The following GRPEL2 variants were observed in gnomAD, a reference collection of about 807,000 sequenced individuals.
GRPEL2 encodes the protein GrpE like 2, mitochondrial.
In GRPEL2, 18 loss-of-function variants were observed where a neutral mutation model predicts 25.9. That is an observed-to-expected ratio of 0.70 (90% CI 0.48 to 1.03). GRPEL2 has a LOEUF of 1.03. GRPEL2 is among the 50% of genes least tolerant of loss of function. GRPEL2 has a pLI of 0.00. For missense variants in GRPEL2, 247 were observed against 276.2 expected (o/e 0.89, Z 0.75); for synonymous variants, 106 against 107.9 (o/e 0.98, Z 0.11).
At chr5:149,349,798 C>T (rs767558027) in intron 3 of GRPEL2, 63 bp downstream of exon 3, 7 of 1,216,884 alleles carry the variant, frequency 5.8e-6, no homozygotes, top group Non-Finnish European at 8.5e-6. Context: ...GCCTGTAATC[C>T]CAGCACTTTG....
At position 149,351,128 on chromosome 5, in the gene GRPEL2, C is replaced by T. The variant is rs1291982892; in HGVS notation, c.524C>T (p.Pro175Leu). ...KLTPIGDKYD[P>L]HEHELICHVP... ...ACACCCATTGGTGACAAATATGACCCCCATGAGCATGAACTCATCTGTCAT... is the reference window on the plus strand; with the variant it reads ...ACACCCATTGGTGACAAATATGACCTCCATGAGCATGAACTCATCTGTCAT... The change falls in exon 4 of 4, where the codon CCC becomes CTC. Residue 175 changes from proline to leucine, a missense_variant. By Grantham distance (98) the Pro-to-Leu change is moderately conservative. Transcript: ENST00000329271. 1.2e-6 allele frequency: 2 copies of T among 1,614,048 alleles called. No homozygotes were observed. The highest frequency in any genetic ancestry group is 1.3e-5 in the African/African-American group (1 of 74,900).
At chr5:149,348,956 T>G (rs1225611461) in intron 2 of GRPEL2, among the ~76,000 whole-genome samples, 1 of 151,738 alleles carries the variant, frequency 6.6e-6, no homozygotes, top group African/African-American at 2.4e-5. Context: ...AGAAAAGGAC[T>G]AAAGAGGGTA....
intron 1 of GRPEL2, among the ~76,000 whole-genome samples, chr5:149,347,286 A>T (rs1757705474): frequency 6.6e-6 from 1 of 152,130 alleles, no homozygotes; most frequent in African/African-American, 2.4e-5. Context: ...CCCTTTTCTA[A>T]AGCTGACTCC....
Position 149,350,912 on chromosome 5 carries a change from C to G in GRPEL2, c.314-6C>G. ...CAAACAATAAAAATAACTGGCTTCT[C>G]TGCAGGAATCCAGAGTTTCTGTAAG... On this transcript the variant is annotated splice_polypyrimidine_tract_variant and splice_region_variant and intron_variant, in intron 3 of 3. Coordinates refer to ENST00000329271, the MANE Select transcript of GRPEL2 (RefSeq NM_152407.4). 6.2e-7 allele frequency: 1 copy of G among 1,610,938 alleles called. No homozygotes were observed. Among genetic ancestry groups the G allele is most frequent in the Non-Finnish European group, 8.5e-7 (1 of 1,177,988 alleles).
In GRPEL2 at chr5:149,354,361, T is replaced by C. The variant is rs1316933679; in HGVS notation, c.*3079T>C. 3 of 152,264 alleles carry C rather than the reference T, an allele frequency of 2.0e-5. No individual in the cohort carries two copies. The highest frequency in any genetic ancestry group is 4.4e-5 in the Non-Finnish European group (3 of 68,048). The allele number at this position is 152,264 out of a possible 1,614,324, so 9.4% of individuals were successfully genotyped here. Reference sequence around the variant, plus strand: ...TACTTGGACTGTACAAATGTTTTACTGACTTTTCTTACTGCTGTAAAGGAA... The same window carrying C: ...TACTTGGACTGTACAAATGTTTTACCGACTTTTCTTACTGCTGTAAAGGAA... On this transcript the variant is annotated 3_prime_UTR_variant, in exon 4 of 4. Coordinates refer to ENST00000329271, the MANE Select transcript of GRPEL2 (RefSeq NM_152407.4).
Position 149,351,286 on chromosome 5 carries a change from G to T in GRPEL2, c.*4G>T, listed in dbSNP as rs755997296. ...GGAGTCTCAGAGAAGACTGTGAAGA[G>T]GCCATCAGGAACTGGATGTTCTCCC... On this transcript the variant is annotated 3_prime_UTR_variant, in exon 4 of 4. Transcript: ENST00000329271. The T allele has an allele frequency of 3.8e-6, 6 of 1,599,368 alleles. No homozygotes were observed. In the Admixed American group the frequency reaches 8.4e-5, roughly 23 times the overall value.
intron 3 of GRPEL2, among the ~76,000 whole-genome samples, chr5:149,350,155 T>A (rs1000202482): frequency 2.6e-4 from 39 of 152,358 alleles, no homozygotes; most frequent in African/African-American, 9.4e-4. Context: ...AGTCCTTGAC[T>A]CTCACCAGCC....
rs952704810 is a variant in GRPEL2 at position 149,352,625 on chromosome 5, T to TA, written c.*1347dup. 1.3e-5 allele frequency: 2 copies of TA among 152,176 alleles called. No individual in the cohort carries two copies. Among genetic ancestry groups the TA allele is most frequent in the African/African-American group, 4.8e-5 (2 of 41,434 alleles). The allele number at this position is 152,176 out of a possible 1,614,324, so 9.4% of individuals were successfully genotyped here. A position where few individuals can be genotyped will look rare whatever the true frequency, so the allele number is the denominator to read the frequency against. On this transcript the variant is annotated 3_prime_UTR_variant, in exon 4 of 4. Coordinates refer to ENST00000329271, the MANE Select transcript of GRPEL2 (RefSeq NM_152407.4). ...TTTCAGTCTTATAGCTGGTGTTCTG[T>TA]AAAAGATTTGTCCAATAAACGACTT...
chr5:149,354,327 G>C lies in GRPEL2; in HGVS notation c.*3045G>C, dbSNP rs1757823033. The C allele has an allele frequency of 6.6e-6, 1 of 152,162 alleles. No homozygotes were observed. The highest frequency in any genetic ancestry group is 2.4e-5 in the African/African-American group (1 of 41,434). The allele number at this position is 152,162 out of a possible 1,614,324, so 9.4% of individuals were successfully genotyped here. ...ACTCTCACTTGAAGAGGGGATCTTG[G>C]TGTTGTAGTACTTGGACTGTACAAA... On this transcript the variant is annotated 3_prime_UTR_variant, in exon 4 of 4. Transcript: ENST00000329271.
chr5:149,349,819 G>A (rs528422476), intron 3 of GRPEL2, 84 bp downstream of exon 3: 2 of 958,078 alleles, frequency 2.1e-6, no homozygotes, highest in Non-Finnish European at 3.3e-6. Flanking sequence ...AGAGTCTAAG[G>A]CTGTCAGATC....
At chr5:149,347,351 T>C (rs1757706176) in intron 1 of GRPEL2, among the ~76,000 whole-genome samples, 1 of 152,224 alleles carries the variant, frequency 6.6e-6, no homozygotes, top group South Asian at 2.1e-4. Flanking sequence ...CTCTACAGTA[T>C]ATGCCAGTCC....
intron 1 of GRPEL2, 110 bp downstream of exon 1, chr5:149,345,726 G>T (rs1429862151): frequency 9.0e-6 from 8 of 885,732 alleles, no homozygotes; most frequent in Non-Finnish European, 1.8e-6. Flanking sequence ...TAGGCCAGGG[G>T]ACCAAGCTTC....
chr5:149,346,739 T>A (rs1757696284), intron 1 of GRPEL2, among the ~76,000 whole-genome samples: 1 of 102,014 alleles, frequency 9.8e-6, no homozygotes, highest in Non-Finnish European at 2.1e-5. Flanking sequence ...TTTTTTTTTT[T>A]TTTTTTTTTT....
chr5:149,345,762 G>A, intron 1 of GRPEL2, 146 bp downstream of exon 1: 1 of 658,542 alleles, frequency 1.5e-6, no homozygotes, highest in South Asian at 1.9e-5. Flanking sequence ...GTGCACTCAC[G>A]GCCCCATTTT....
Position 149,351,565 on chromosome 5 carries a change from CT to C in GRPEL2, c.*287del, listed in dbSNP as rs1254451617. 1 of 290,642 alleles carries C rather than the reference CT, an allele frequency of 3.4e-6. No homozygotes were observed. The highest frequency in any genetic ancestry group is 2.1e-5 in the African/African-American group (1 of 46,728). The allele number at this position is 290,642 out of a possible 1,614,324, so 18.0% of individuals were successfully genotyped here. On this transcript the variant is annotated 3_prime_UTR_variant, in exon 4 of 4. Coordinates refer to ENST00000329271, the MANE Select transcript of GRPEL2 (RefSeq NM_152407.4). ...CTGTGATAAATTTGAATCCAAAATC[CT>C]TTTAACTATGGGTTTTCAACTACAT...
chr5:149,348,372 C>T lies in GRPEL2; in HGVS notation c.178C>T (p.Arg60Ter), dbSNP rs762949132. Reference sequence around the variant, plus strand: ...TGAGCTTGGGCCCCCTCTTGCTGAACGAGCCTTAAGGGTAAAAGCTGTTAA... The same window carrying T: ...TGAGCTTGGGCCCCCTCTTGCTGAATGAGCCTTAAGGGTAAAAGCTGTTAA... ...PDELGPPLAE[R>*]ALRVKAVKLE... The change falls in exon 2 of 4, where the codon CGA becomes TGA. Residue 60 changes from arginine (R) to a stop codon, truncating the protein, a stop_gained. Transcript: ENST00000329271. LOFTEE classifies it high-confidence loss of function. 3.1e-6 allele frequency: 5 copies of T among 1,613,510 alleles called. No homozygotes were observed. Among genetic ancestry groups the T allele is most frequent in the East Asian group, 2.2e-5 (1 of 44,858 alleles).
rs1757778018 is a variant in GRPEL2 at position 149,351,678 on chromosome 5, T to C, written c.*396T>C. On this transcript the variant is annotated 3_prime_UTR_variant, in exon 4 of 4. Coordinates refer to ENST00000329271, the MANE Select transcript of GRPEL2 (RefSeq NM_152407.4). Reference sequence around the variant, plus strand: ...GAGATGGTAGGGATTGGTTCAACATTTGGGTACTTAGAGGATAAAGCTTCG... The same window carrying C: ...GAGATGGTAGGGATTGGTTCAACATCTGGGTACTTAGAGGATAAAGCTTCG... 1 of 159,120 alleles carries C rather than the reference T, an allele frequency of 6.3e-6. No homozygotes were observed. Among genetic ancestry groups the C allele is most frequent in the Non-Finnish European group, 1.4e-5 (1 of 71,928 alleles). 9.9% of individuals were successfully genotyped at this position (159,120 alleles called of 1,614,324 possible). A position where few individuals can be genotyped will look rare whatever the true frequency, so the allele number is the denominator to read the frequency against.
In GRPEL2 at chr5:149,351,123, T is replaced by C. The variant is rs766265104; in HGVS notation, c.519T>C (p.Tyr173=). The C allele has an allele frequency of 6.2e-7, 1 of 1,614,192 alleles. No homozygotes were observed. The highest frequency in any genetic ancestry group is 8.5e-7 in the Non-Finnish European group (1 of 1,180,028). The change falls in exon 4 of 4, where the codon TAT becomes TAC. Residue 173 remains tyrosine (Y), a synonymous_variant. Transcript: ENST00000329271. ...LEKLTPIGDK[Y]DPHEHELICH... is the part of the protein sequence containing the mutation. ...AACTGACACCCATTGGTGACAAATA[T>C]GACCCCCATGAGCATGAACTCATCT...
At chr5:149,350,614 A>C (rs1561695305) in intron 3 of GRPEL2, among the ~76,000 whole-genome samples, 1 of 152,250 alleles carries the variant, frequency 6.6e-6, no homozygotes, top group Admixed American at 6.5e-5. Context: ...ATTCATGTAC[A>C]TAAAAATAGT....
Sources: gnomAD v4.1 joint callset for allele counts (sites outside exome capture counted in the v4.1 genomes callset) on GRCh38, gnomAD v4.1.1 for gene constraint, MANE v1.5 for transcripts, NCBI Gene and HGNC (gene_info 2026-07-23, HGNC 2026-07-21) for gene names.